Variants in AGBL1 observed in about 807,000 individuals in gnomAD.
The protein encoded by AGBL1 is AGBL carboxypeptidase 1, also known as cytosolic carboxypeptidase 4.
A neutral mutation model predicts 118.9 loss-of-function variants in AGBL1; 130 were observed. The observed-to-expected ratio is 1.09, with a 90% CI of 0.95 to 1.26. AGBL1 has a LOEUF of 1.26. AGBL1 is among the 50% of genes most tolerant of loss of function. The pLI, the probability that AGBL1 is intolerant of heterozygous loss-of-function variation, is 0.00. For missense variants in AGBL1, 1,584 were observed against 1,298.1 expected, an observed-to-expected ratio of 1.22 and a Z score of -3.38; for synonymous variants, 555 against 478.9, an observed-to-expected ratio of 1.16 and a Z score of -2.08.
At chr15:86,931,227 C>T (rs1018000000) in intron 23 of AGBL1, among the ~76,000 whole-genome samples, 13 of 152,176 alleles carry the variant, frequency 8.5e-5, no homozygotes, top group African/African-American at 2.9e-4. Context: ...CAAGATATTT[C>T]GCCTTTATAG....
intron 21 of AGBL1, among the ~76,000 whole-genome samples, chr15:86,601,830 C>G (rs2084498705): frequency 6.6e-6 from 1 of 152,068 alleles, no homozygotes; most frequent in Non-Finnish European, 1.5e-5. Flanking sequence ...ATTACTCCAT[C>G]CAATAGATAA....
chr15:86,449,505 G>A (rs2082167256), intron 18 of AGBL1, among the ~76,000 whole-genome samples: 2 of 152,214 alleles, frequency 1.3e-5, no homozygotes, highest in Admixed American at 6.5e-5. Flanking sequence ...TTGAAACCCT[G>A]GTCTGCACTT....
chr15:86,782,926 G>A (rs959156278), intron 22 of AGBL1, among the ~76,000 whole-genome samples: 4 of 152,174 alleles, frequency 2.6e-5, no homozygotes, highest in Non-Finnish European at 5.9e-5. Context: ...TCTGATTGAA[G>A]GGAAATTAGC....
At chr15:86,282,842 C>A (rs1035219053) in intron 16 of AGBL1, among the ~76,000 whole-genome samples, 7 of 152,296 alleles carry the variant, frequency 4.6e-5, no homozygotes, top group Middle Eastern at 3.4e-3. Flanking sequence ...ATGTGGAATT[C>A]ATAATTTGCG....
At chr15:86,136,421 ATGT>A (rs752073894) in intron 1 of AGBL1, among the ~76,000 whole-genome samples, 15 of 152,156 alleles carry the variant, frequency 9.9e-5, no homozygotes, top group Non-Finnish European at 2.2e-4. Flanking sequence ...GGCACCAATC[ATGT>A]TGTAGTCTTT....
intron 19 of AGBL1, among the ~76,000 whole-genome samples, chr15:86,524,284 G>A (rs533820562): frequency 6.6e-6 from 1 of 152,212 alleles, no homozygotes; most frequent in East Asian, 1.9e-4. Context: ...ATGACTATCC[G>A]CAGGCTCAGT....
At chr15:86,741,313 G>A (rs1596433883) in intron 22 of AGBL1, among the ~76,000 whole-genome samples, 1 of 137,862 alleles carries the variant, frequency 7.3e-6, no homozygotes, top group Admixed American at 8.0e-5. Context: ...TACAGAAAAT[G>A]AGGGGCAGAA....
chr15:86,475,274 C>G (rs898113092), intron 18 of AGBL1, among the ~76,000 whole-genome samples: 5 of 152,086 alleles, frequency 3.3e-5, no homozygotes, highest in Admixed American at 6.6e-5. Flanking sequence ...TTAAACTTCT[C>G]CAAGCTAAAG....
chr15:86,381,689 AC>A (rs2081114503), intron 17 of AGBL1, among the ~76,000 whole-genome samples: 1 of 152,226 alleles, frequency 6.6e-6, no homozygotes, highest in Non-Finnish European at 1.5e-5. Context: ...AATGGGTGAA[AC>A]ACGACGTAAC....
intron 17 of AGBL1, among the ~76,000 whole-genome samples, chr15:86,382,550 G>A (rs926187728): frequency 6.6e-6 from 1 of 152,054 alleles, no homozygotes; most frequent in African/African-American, 2.4e-5. Context: ...AACGTAAAAG[G>A]CCGGTTGCCC....
At chr15:86,935,676 G>A (rs1433538772) in intron 23 of AGBL1, among the ~76,000 whole-genome samples, 1 of 152,192 alleles carries the variant, frequency 6.6e-6, no homozygotes, top group Non-Finnish European at 1.5e-5. Flanking sequence ...GAAACATAAA[G>A]AGCCCACGTT....
At chr15:86,247,604 G>A (rs2141991936) in intron 6 of AGBL1, 67 bp from the exon 7 acceptor site, 1 of 1,432,536 alleles carries the variant, frequency 7.0e-7, no homozygotes, top group East Asian at 2.5e-5. Context: ...AAATACACTG[G>A]AACATTCTCA....
rs762677109 is a variant in AGBL1 at position 86,270,011 on chromosome 15, T to C, written c.1931T>C (p.Ile644Thr). The stretch of plus-strand genomic sequence containing the variant: ...AAAGTGAGCGGTATGCAGGCGGCCA[T>C]CCCTTACCACTTCAACATCATCAAC... ...YFKVSGMQAA[I>T]PYHFNIINCE... is the part of the protein sequence containing the mutation. The change falls in exon 14 of 23, where the codon ATC (isoleucine) becomes ACC (threonine). Residue 644 changes from isoleucine (I) to threonine (T), a missense_variant. Physicochemically the swap from Ile to Thr is moderately conservative, Grantham distance 89 (BLOSUM62 -1). Transcript: ENST00000614907. 3 of 1,613,488 alleles carry C rather than the reference T, an allele frequency of 1.9e-6. No individual in the cohort carries two copies. The highest frequency in any genetic ancestry group is 2.5e-6 in the Non-Finnish European group (3 of 1,179,708).
chr15:86,626,721 T>G (rs145169331), intron 21 of AGBL1, among the ~76,000 whole-genome samples: 1 of 152,218 alleles, frequency 6.6e-6, no homozygotes, highest in African/African-American at 2.4e-5. Context: ...TTGAAGTGTG[T>G]AGGGGACATA....
intron 23 of AGBL1, among the ~76,000 whole-genome samples, chr15:86,935,509 G>C (rs1178234163): frequency 1.3e-5 from 2 of 152,122 alleles, no homozygotes; most frequent in Non-Finnish European, 2.9e-5. Flanking sequence ...TCCTTCAGGG[G>C]CAAGCTGGGG....
At chr15:86,792,642 T>C (rs1020910984) in intron 22 of AGBL1, among the ~76,000 whole-genome samples, 1 of 152,134 alleles carries the variant, frequency 6.6e-6, no homozygotes, top group Non-Finnish European at 1.5e-5. Context: ...AATAATTCTT[T>C]TAAAATTTAA....
chr15:86,246,617 G>A (rs1300279897), intron 6 of AGBL1, among the ~76,000 whole-genome samples: 1 of 152,260 alleles, frequency 6.6e-6, no homozygotes, highest in East Asian at 1.9e-4. Flanking sequence ...CAGGCCATGT[G>A]GCAAACAACC....
intron 23 of AGBL1, among the ~76,000 whole-genome samples, chr15:86,932,263 G>A (rs1567246121): frequency 6.6e-6 from 1 of 152,132 alleles, no homozygotes; most frequent in Non-Finnish European, 1.5e-5. Flanking sequence ...TATAAACAAC[G>A]AAGTAATTTC....
intron 22 of AGBL1, among the ~76,000 whole-genome samples, chr15:86,781,580 A>G (rs1029955166): frequency 6.6e-6 from 1 of 152,264 alleles, no homozygotes; most frequent in East Asian, 1.9e-4. Flanking sequence ...CACTCTTTGT[A>G]TATCTCCCTG....
Sources: allele counts gnomAD v4.1 joint callset (sites outside exome capture counted in the v4.1 genomes callset), GRCh38; gene constraint gnomAD v4.1.1; transcripts MANE v1.5; gene names NCBI Gene and HGNC (gene_info 2026-07-23, HGNC 2026-07-21).